Variants in SYCP2L observed in about 807,000 individuals in gnomAD.
The protein encoded by SYCP2L is synaptonemal complex protein 2 like.
A neutral mutation model predicts 125.8 loss-of-function variants in SYCP2L; 98 were observed. That is an observed-to-expected ratio of 0.78 (90% CI 0.66 to 0.92). SYCP2L has a LOEUF of 0.92. Among genes scored for constraint, SYCP2L ranks in the 40% least tolerant of loss-of-function variants. SYCP2L has a pLI of 0.00. For synonymous variants in SYCP2L, 317 were observed against 325.4 expected (o/e 0.97, Z 0.28); for missense variants, 842 against 936.4 (o/e 0.90, Z 1.32).
intron 1 of SYCP2L, among the ~76,000 whole-genome samples, chr6:10,887,996 T>A (rs771074130): frequency 6.7e-6 from 1 of 148,418 alleles, no homozygotes; most frequent in Non-Finnish European, 1.5e-5. Context: ...GCCCAGGCAC[T>A]ATGCTAAGAA....
chr6:10,967,971 C>T (rs916791656), intron 29 of SYCP2L, among the ~76,000 whole-genome samples: 2 of 152,152 alleles, frequency 1.3e-5, no homozygotes, highest in African/African-American at 2.4e-5. Flanking sequence ...GAGGCAATCT[C>T]AGTCCAAGAA....
chr6:10,895,946 G>A (rs139196616), intron 4 of SYCP2L, among the ~76,000 whole-genome samples: 5 of 152,094 alleles, frequency 3.3e-5, no homozygotes, highest in African/African-American at 1.2e-4. Context: ...TGAGGTCAGG[G>A]GTTCAAGACC....
chr6:10,906,040 T>C lies in SYCP2L; in HGVS notation c.662T>C (p.Leu221Pro). 1.9e-6 allele frequency: 3 copies of C among 1,599,950 alleles called. No homozygotes were observed. The highest frequency in any genetic ancestry group is 2.6e-6 in the Non-Finnish European group (3 of 1,168,698). ...TTCAGGAAAGACCTTGCAAGGACAC[T>C]CTTGACTGTGGGTGGTAAGAAATTT... Reference protein sequence around the residue: ...CHLMKDLARTLLTVGDYDQQV... With the variant: ...CHLMKDLARTPLTVGDYDQQV... The change falls in exon 9 of 30, where the codon CTC (leucine) becomes CCC (proline). Residue 221 changes from leucine to proline, a missense_variant. Transcript: ENST00000283141.
intron 14 of SYCP2L, among the ~76,000 whole-genome samples, chr6:10,922,282 T>C (rs1780811763): frequency 6.6e-6 from 1 of 152,154 alleles, no homozygotes; most frequent in African/African-American, 2.4e-5. Context: ...TTTCCATTCT[T>C]ATAGCCAAAG....
chr6:10,970,373 G>A (rs759056530), intron 29 of SYCP2L, among the ~76,000 whole-genome samples: 4 of 152,170 alleles, frequency 2.6e-5, no homozygotes, highest in Admixed American at 2.0e-4. Flanking sequence ...GGTGTGGATG[G>A]TGGGGGTGAC....
At chr6:10,888,270 T>C (rs1780115498) in intron 1 of SYCP2L, among the ~76,000 whole-genome samples, 1 of 151,906 alleles carries the variant, frequency 6.6e-6, no homozygotes. Flanking sequence ...GTAATTTTTG[T>C]ATTTCTAGTA....
At chr6:10,958,743 A>C (rs375164123) in intron 25 of SYCP2L, 41 bp from the exon 26 acceptor site, 1 of 1,549,442 alleles carries the variant, frequency 6.5e-7, no homozygotes, top group South Asian at 1.1e-5. Context: ...TTATGTAATT[A>C]TATTAAATGT....
chr6:10,887,547 A>C (rs1352270155), intron 1 of SYCP2L, among the ~76,000 whole-genome samples: 1 of 152,148 alleles, frequency 6.6e-6, no homozygotes, highest in Non-Finnish European at 1.5e-5. Flanking sequence ...AGCCCCTAAG[A>C]TAAAGCTACA....
At chr6:10,956,503 G>C (rs6938762) in intron 25 of SYCP2L, among the ~76,000 whole-genome samples, 1,637 of 152,310 alleles carry the variant, frequency 0.011, 31 homozygotes, top group African/African-American at 0.036. Flanking sequence ...ACTATAGTTA[G>C]TAATAATGTA....
chr6:10,968,906 T>C (rs1781722052), intron 29 of SYCP2L, among the ~76,000 whole-genome samples: 1 of 152,182 alleles, frequency 6.6e-6, no homozygotes, highest in African/African-American at 2.4e-5. Flanking sequence ...CAGCTGATGG[T>C]GGTACCACTT....
chr6:10,968,577 G>A (rs532644622), intron 29 of SYCP2L, among the ~76,000 whole-genome samples: 1 of 152,258 alleles, frequency 6.6e-6, no homozygotes, highest in Admixed American at 6.5e-5. Flanking sequence ...TCAGAAACCA[G>A]CCATGTTTTA....
chr6:10,916,453 T>G lies in SYCP2L; in HGVS notation c.1072+3526T>G, dbSNP rs369896076. On this transcript the variant is annotated intron_variant, in intron 14 of 29. Coordinates refer to ENST00000283141, the MANE Select transcript of SYCP2L (RefSeq NM_001040274.3). ...TTTCAGACTTTTTGATGTAGGTGTT[T>G]AGGGCTGTGAACTTTCCTCTTAGCA... 4.4e-4 allele frequency among the ~76,000 whole-genome samples: 67 copies of G among 152,344 alleles called. No homozygotes were observed. The East Asian group carries it at 4.8e-3, about 11-fold the overall frequency.
chr6:10,958,219 T>TA (rs61518427), intron 25 of SYCP2L, among the ~76,000 whole-genome samples: 15,487 of 151,694 alleles, frequency 0.1, 2,558 homozygotes, highest in African/African-American at 0.34. Flanking sequence ...TATTTTTTTT[T>TA]AAAAAAAGAG....
At chr6:10,923,677 CTTTTTCTTTTTTT>C (rs1397433273) in intron 14 of SYCP2L, among the ~76,000 whole-genome samples, 5 of 37,456 alleles carry the variant, frequency 1.3e-4, no homozygotes, top group African/African-American at 3.8e-4. Flanking sequence ...CTTTCTTTTT[CTTTTTCTTTTTTT>C]TTTTTTTTCT....
rs375164123 is a variant in SYCP2L at position 10,958,743 on chromosome 6, A to G, written c.2164-41A>G. 2.6e-6 allele frequency: 4 copies of G among 1,549,442 alleles called. 1 individual carries two copies. In the African/African-American group the frequency reaches 5.6e-5, roughly 22 times the overall value. On this transcript the variant is annotated intron_variant, in intron 25 of 29. Transcript: ENST00000283141. Reference sequence around the variant, plus strand: ...AAGCATGCACTCAACTTATGTAATTATATTAAATGTGATCATCTTGTTATT... The same window carrying G: ...AAGCATGCACTCAACTTATGTAATTGTATTAAATGTGATCATCTTGTTATT...
chr6:10,965,946 C>T (rs1781668772), intron 29 of SYCP2L, among the ~76,000 whole-genome samples: 1 of 152,114 alleles, frequency 6.6e-6, no homozygotes, highest in African/African-American at 2.4e-5. Flanking sequence ...AACCTCATCA[C>T]TACTAAAAAT....
Position 10,928,408 on chromosome 6 carries a change from G to T in SYCP2L, c.1446G>T (p.Gln482His). 1 of 1,530,420 alleles carries T rather than the reference G, an allele frequency of 6.5e-7. No individual in the cohort carries two copies. Among genetic ancestry groups the T allele is most frequent in the South Asian group, 1.2e-5 (1 of 85,040 alleles). The allele number at this position is 1,530,420 out of a possible 1,614,324, so 94.8% of individuals were successfully genotyped here. ...IGEPASDSHL[Q>H]PVPPFGVPDF... The stretch of plus-strand genomic sequence containing the variant: ...TCCACGTTCTTCTGCCATAGCTTCA[G>T]CCGGTCCCTCCGTTCGGGGTCCCTG... Residue 482 changes from glutamine to histidine, a missense_variant, in exon 18 of 30, where the codon CAG becomes CAT. Physicochemically the swap from Gln to His is conservative, Grantham distance 24. Transcript: ENST00000283141.
rs746206302 is a variant in SYCP2L at position 10,894,190 on chromosome 6, G to C, written c.322G>C (p.Gly108Arg). The change falls in exon 4 of 30, where the codon GGA (glycine) becomes CGA (arginine). Residue 108 changes from glycine (G) to arginine (R), a missense_variant. Coordinates refer to ENST00000283141, the MANE Select transcript of SYCP2L (RefSeq NM_001040274.3). ...KEDEPLLIRQGLIPKLVSWFE... is the reference protein window; with the variant it reads ...KEDEPLLIRQRLIPKLVSWFE... ...AGATGAACCTCTGCTAATTCGGCAG[G>C]GACTGATCCCAAAGATAAGTGTCCT... The C allele has an allele frequency of 6.2e-7, 1 of 1,612,812 alleles. No homozygotes were observed. The highest frequency in any genetic ancestry group is 8.5e-7 in the Non-Finnish European group (1 of 1,179,764).
chr6:10,941,329 G>A (rs867080091), intron 21 of SYCP2L, among the ~76,000 whole-genome samples: 23 of 152,158 alleles, frequency 1.5e-4, no homozygotes, highest in African/African-American at 5.6e-4. Flanking sequence ...AAGAGCTTCT[G>A]CACAGCAAAA....
Sources: gnomAD v4.1 joint callset for allele counts (sites outside exome capture counted in the v4.1 genomes callset) on GRCh38, gnomAD v4.1.1 for gene constraint, MANE v1.5 for transcripts, NCBI Gene and HGNC (gene_info 2026-07-23, HGNC 2026-07-21) for gene names.